MZT2B: variants seen among roughly 807,000 people sequenced by gnomAD.
MZT2B encodes mitotic-spindle organizing protein 2B.
MZT2B carries 11 observed loss-of-function variants against 12.1 expected under a neutral mutation model. The ratio of observed to expected loss-of-function variants is 0.91; its 90% CI spans 0.57 to 1.50. The LOEUF (loss-of-function observed/expected upper bound fraction) is 1.50, where lower values mean the gene tolerates loss of function less well. Ranked by LOEUF, MZT2B falls within the 40% of genes most tolerant of loss-of-function variation. MZT2B has a pLI of 0.00. For synonymous variants in MZT2B, 85 were observed against 109.5 expected, an observed-to-expected ratio of 0.78 and a Z score of 1.40; for missense variants, 209 against 227.7, an observed-to-expected ratio of 0.92 and a Z score of 0.53.
In MZT2B at chr2:130,189,840, GTC is replaced by G. The variant is rs74562170; in HGVS notation, c.320-626_320-625del. 2.9e-3 allele frequency among the ~76,000 whole-genome samples: 442 copies of G among 152,314 alleles called. 17 individuals are homozygous for G. In the East Asian group the frequency reaches 0.075, roughly 26 times the overall value. ...AGAGCCTCTGGTGGTCAGAAGGAAA[GTC>G]TCAAGCATTCAGACTGTGGCAGGAA... On this transcript the variant is annotated intron_variant, in intron 2 of 2. Coordinates refer to ENST00000281871, the MANE Select transcript of MZT2B (RefSeq NM_025029.5).
chr2:130,191,209 T>A (rs1690249470), downstream of MZT2B, among the ~76,000 whole-genome samples: 1 of 152,120 alleles, frequency 6.6e-6, no homozygotes, highest in Non-Finnish European at 1.5e-5. Context: ...ACCAAGGCAG[T>A]TGACAGTGCT....
the MZT2B span, chr2:130,204,548 A>G: frequency 3.5e-6 from 1 of 285,222 alleles, no homozygotes; most frequent in Non-Finnish European, 6.9e-6. Flanking sequence ...AAAACTAACC[A>G]GGCATGGTAT....
intron 2 of MZT2B, among the ~76,000 whole-genome samples, chr2:130,185,310 CA>C (rs34780324): frequency 3.6e-3 from 425 of 117,286 alleles, no homozygotes; most frequent in Non-Finnish European, 5.6e-3. Context: ...GACTCCGTCT[CA>C]AAAAAAAAAA....
At chr2:130,194,266 G>A (rs202095236), downstream of MZT2B, 254 of 1,551,948 alleles carry the variant, frequency 1.6e-4, 15 homozygotes, top group Middle Eastern at 2.9e-3. Context: ...CCAGGGTCGT[G>A]TGGGTGGTTA....
In MZT2B at chr2:130,184,922, T is replaced by C. The variant is rs373012794; in HGVS notation, c.319+2147T>C. 5.6e-5 allele frequency: 55 copies of C among 983,576 alleles called. No individual in the cohort carries two copies. The African/African-American group carries it at 8.9e-4, about 16-fold the overall frequency. The allele number at this position is 983,576 out of a possible 1,614,324, so 60.9% of individuals were successfully genotyped here. On this transcript the variant is annotated intron_variant, in intron 2 of 2. Coordinates refer to ENST00000281871, the MANE Select transcript of MZT2B (RefSeq NM_025029.5). ...GCTCACACCTGTAATCCCAGCACTT[T>C]GGGAAGTCAAGGCAGGTGGATCCCT... is the stretch of plus-strand genomic sequence containing the variant.
Position 130,182,328 on chromosome 2 carries a change from C to G in MZT2B, c.46C>G (p.Pro16Ala). Residue 16 changes from proline (P) to alanine (A), a missense_variant, in exon 1 of 3, where the codon CCG becomes GCG. Coordinates refer to ENST00000281871, the MANE Select transcript of MZT2B (RefSeq NM_025029.5). ...VGPGPGSAAP[P>A]GLEAARQKLA... Reference sequence around the variant, plus strand: ...GCCTGGGCCGGGGTCGGCGGCGCCCCCGGGGCTGGAGGCGGCCCGGCAGAA... The same window carrying G: ...GCCTGGGCCGGGGTCGGCGGCGCCCGCGGGGCTGGAGGCGGCCCGGCAGAA... 3.9e-6 allele frequency: 6 copies of G among 1,523,796 alleles called. No homozygotes were observed. The highest frequency in any genetic ancestry group is 4.4e-6 in the Non-Finnish European group (5 of 1,141,632). The allele number at this position is 1,523,796 out of a possible 1,614,324, so 94.4% of individuals were successfully genotyped here.
the MZT2B span, chr2:130,196,257 T>C: frequency 1.9e-6 from 3 of 1,614,034 alleles, no homozygotes; most frequent in Non-Finnish European, 2.5e-6. Flanking sequence ...CCAATGGTTT[T>C]ATCACTTGGC....
At chr2:130,203,582 A>G in the MZT2B span, among the ~76,000 whole-genome samples, 1 of 151,576 alleles carries the variant, frequency 6.6e-6, no homozygotes, top group Non-Finnish European at 1.5e-5. Context: ...TCTTTGATTT[A>G]AATCTCTTTC....
intron 2 of MZT2B, chr2:130,183,967 G>C (rs1213227246): frequency 6.4e-7 from 1 of 1,550,508 alleles, no homozygotes; most frequent in South Asian, 1.2e-5. Context: ...CCTTTTGCAG[G>C]TTGCGTTTAT....
chr2:130,182,256 G>C, upstream of MZT2B: 1 of 1,283,990 alleles, frequency 7.8e-7, no homozygotes, highest in Non-Finnish European at 9.8e-7. Flanking sequence ...CGGCGGGGCG[G>C]AGCGCACCTT....
chr2:130,204,717 A>T, the MZT2B span, among the ~76,000 whole-genome samples: 2 of 141,262 alleles, frequency 1.4e-5, no homozygotes, highest in Admixed American at 7.2e-5. Flanking sequence ...GGGGGTGGGG[A>T]GGAAGCTATT....
chr2:130,195,251 G>T (rs1414299676), downstream of MZT2B: 1 of 1,612,140 alleles, frequency 6.2e-7, no homozygotes, highest in Admixed American at 1.7e-5. Context: ...AGTGTGTACT[G>T]TGAATTTTTA....
chr2:130,195,143 G>T (rs747474028), downstream of MZT2B: 4 of 1,613,488 alleles, frequency 2.5e-6, no homozygotes, highest in African/African-American at 5.4e-5. Context: ...ATGGCCCCTG[G>T]CGTAATTACT....
downstream of MZT2B, among the ~76,000 whole-genome samples, chr2:130,193,150 G>C (rs1358927363): frequency 1.3e-5 from 2 of 151,960 alleles, no homozygotes; most frequent in African/African-American, 2.4e-5. Flanking sequence ...AGCTACTTGG[G>C]AGGCTGAGGT....
chr2:130,183,269 A>C (rs191937785), intron 2 of MZT2B: 6 of 268,824 alleles, frequency 2.2e-5, no homozygotes. Flanking sequence ...CCCAGGGACC[A>C]GGGCAGGCAG....
At chr2:130,182,522 G>C in intron 1 of MZT2B, 70 bp downstream of exon 1, 1 of 1,545,038 alleles carries the variant, frequency 6.5e-7, no homozygotes, top group Non-Finnish European at 8.7e-7. Flanking sequence ...GGTACGCCCG[G>C]CCCGCTGGTC....
At position 130,190,432 on chromosome 2, in the gene MZT2B, C is replaced by T. The variant is rs182887019; in HGVS notation, c.320-37C>T. Reference sequence around the variant, plus strand: ...CAGCAGGTGCTGCAGTTACGGGGCACGCCCATTCCTAATCATTGTGCTTTG... The same window carrying T: ...CAGCAGGTGCTGCAGTTACGGGGCATGCCCATTCCTAATCATTGTGCTTTG... On this transcript the variant is annotated intron_variant, in intron 2 of 2. Transcript: ENST00000281871. The T allele has an allele frequency of 2.7e-5, 44 of 1,606,368 alleles. No individual in the cohort carries two copies. The East Asian group carries it at 5.2e-4, about 19-fold the overall frequency.
chr2:130,182,477 A>C (rs1430033918), intron 1 of MZT2B, 25 bp downstream of exon 1: 2 of 1,540,998 alleles, frequency 1.3e-6, no homozygotes, highest in Non-Finnish European at 8.8e-7. Flanking sequence ...TGGGGGCCGC[A>C]TGCTAGCCAG....
downstream of MZT2B, chr2:130,194,578 A>T: frequency 8.1e-7 from 1 of 1,233,968 alleles, no homozygotes; most frequent in Admixed American, 2.8e-5. Context: ...GATTCAAATC[A>T]TCCATAATAA....
Sources: gnomAD v4.1 joint callset for allele counts (sites outside exome capture counted in the v4.1 genomes callset) on GRCh38, gnomAD v4.1.1 for gene constraint, MANE v1.5 for transcripts, NCBI Gene and HGNC (gene_info 2026-07-23, HGNC 2026-07-21) for gene names.